The following BARX1 variants were observed in gnomAD, a reference collection of about 807,000 sequenced individuals.
The protein encoded by BARX1 is homeobox protein BarH-like 1.
A neutral mutation model predicts 19.6 loss-of-function variants in BARX1; 10 were observed. That is an observed-to-expected ratio of 0.51 (90% confidence interval 0.31 to 0.86). BARX1 has a LOEUF of 0.86. Ranked by LOEUF, BARX1 falls within the 40% of genes least tolerant of loss-of-function variation. The pLI is 0.04. For missense variants in BARX1, 309 were observed against 360.4 expected (o/e 0.86, Z 1.15); for synonymous variants, 177 against 170.0 (o/e 1.04, Z -0.32).
intron 1 of BARX1, among the ~76,000 whole-genome samples, chr9:93,954,721 A>G (rs1161679150): frequency 1.3e-5 from 2 of 151,982 alleles, no homozygotes; most frequent in African/African-American, 4.8e-5. Flanking sequence ...GCCCGCGGGC[A>G]CGAGGCCTGG....
rs568082229 is a variant in BARX1 at position 93,953,159 on chromosome 9, C to T, written c.252G>A (p.Val84=). ...LAVLKAEQAA[V]FKFPLAPLGC... ...CCAGCGGCGCCAGTGGGAACTTGAA[C>T]ACCGCCGCCTGCTCGGCCTTCAGCA... Residue 84 remains valine, a synonymous_variant, in exon 2 of 4, where the codon GTG becomes GTA. Transcript: ENST00000253968. The T allele has an allele frequency of 4.6e-6, 7 of 1,530,832 alleles. No individual in the cohort carries two copies. Among genetic ancestry groups the T allele is most frequent in the Non-Finnish European group, 6.1e-6 (7 of 1,148,134 alleles). The allele number at this position is 1,530,832 out of a possible 1,614,324, so 94.8% of individuals were successfully genotyped here.
chr9:93,952,388 A>C (rs1267442067), intron 3 of BARX1, 60 bp from the exon 4 acceptor site: 1 of 1,564,488 alleles, frequency 6.4e-7, no homozygotes, highest in Non-Finnish European at 8.6e-7. Context: ...ACCCCCGAGG[A>C]GACTTGAACC....
intron 1 of BARX1, among the ~76,000 whole-genome samples, chr9:93,954,168 G>A (rs1421939106): frequency 6.6e-6 from 1 of 152,228 alleles, no homozygotes; most frequent in Non-Finnish European, 1.5e-5. Context: ...CCGGCAGACG[G>A]TTGGAAAGCG....
At position 93,954,966 on chromosome 9, in the gene BARX1, C is replaced by T. The variant is rs1829144222; in HGVS notation, c.181G>A (p.Val61Met). Reference protein sequence around the residue: ...AAAGELLKFGVQALLAARPFH... With the variant: ...AAAGELLKFGMQALLAARPFH... ...GGCCGCGCCGCCAGCAGCGCCTGCA[C>T]GCCGAACTTCAGCAGCTCGCCCGCC... Residue 61 changes from valine (V) to methionine (M), a missense_variant, in exon 1 of 4, where the codon GTG becomes ATG. Around this residue, in one of 3 missense-constraint regions of BARX1, gnomAD observed 204 missense variants for 206.8 expected, o/e 0.99. Transcript: ENST00000253968. The T allele has an allele frequency of 7.2e-7, 1 of 1,395,744 alleles. No individual in the cohort carries two copies. 86.5% of individuals were successfully genotyped at this position (1,395,744 alleles called of 1,614,324 possible). A position where few individuals can be genotyped will look rare whatever the true frequency, so the allele number is the denominator to read the frequency against.
At position 93,953,105 on chromosome 9, in the gene BARX1, C is replaced by T. The variant is rs1400539618; in HGVS notation, c.306G>A (p.Leu102=). The change falls in exon 2 of 4, where the codon CTG becomes CTA. Residue 102 remains leucine (L), a synonymous_variant. Coordinates refer to ENST00000253968, the MANE Select transcript of BARX1 (RefSeq NM_021570.4). ...LGCSGLSSAL[L]AAGPGLPGAA... ...CGCCGGGCAGCCCGGGCCCTGCCGC[C>T]AGCAACGCAGAGCTCAGCCCTGAAC... 1.3e-6 allele frequency: 2 copies of T among 1,558,412 alleles called. No homozygotes were observed. Among genetic ancestry groups the T allele is most frequent in the South Asian group, 1.2e-5 (1 of 85,200 alleles).
chr9:93,952,631 G>T, intron 3 of BARX1, 98 bp downstream of exon 3: 1 of 1,346,242 alleles, frequency 7.4e-7, no homozygotes, highest in Non-Finnish European at 1.1e-6. Flanking sequence ...TCGGGGGGTT[G>T]GGCAGAGTCT....
In BARX1 at chr9:93,952,789, G is replaced by A; in HGVS notation, c.540C>T (p.Gly180=). The part of the protein sequence containing the change: ...PDRIDLAESL[G]LSQLQVKTWY... Reference sequence around the variant, plus strand: ...ACGTCTTCACCTGCAACTGGCTCAGGCCCAGGGACTCAGCAAGATCTATTC... The same window carrying A: ...ACGTCTTCACCTGCAACTGGCTCAGACCCAGGGACTCAGCAAGATCTATTC... Residue 180 remains glycine (G), a synonymous_variant, in exon 3 of 4, where the codon GGC becomes GGT. Coordinates refer to ENST00000253968, the MANE Select transcript of BARX1 (RefSeq NM_021570.4). 4 of 1,614,154 alleles carry A rather than the reference G, an allele frequency of 2.5e-6. No homozygotes were observed. Among genetic ancestry groups the A allele is most frequent in the Non-Finnish European group, 3.4e-6 (4 of 1,180,026 alleles).
Position 93,952,961 on chromosome 9 carries a change from G to T in BARX1, c.450C>A (p.Thr150=). The change falls in exon 2 of 4, where the codon ACC becomes ACA. Residue 150 remains threonine (T), a synonymous_variant. Coordinates refer to ENST00000253968, the MANE Select transcript of BARX1 (RefSeq NM_021570.4). ...TCTCCAGGCCCATCAGCTGCAGCTC[G>T]GTGAACACAGTGCGGCTCCGACGCC... ...KKGRRSRTVF[T]ELQLMGLEKR... The T allele has an allele frequency of 6.4e-7, 1 of 1,571,026 alleles. No homozygotes were observed.
chr9:93,951,828 A>C lies in BARX1; in HGVS notation c.*336T>G. ...TGTGCCTGGAGGCTCCCCGGCCGGG[A>C]GGGCAGGCCCCAGACGGGGTGGGGG... On this transcript the variant is annotated 3_prime_UTR_variant, in exon 4 of 4. Coordinates refer to ENST00000253968, the MANE Select transcript of BARX1 (RefSeq NM_021570.4). 1 of 246,528 alleles carries C rather than the reference A, an allele frequency of 4.1e-6. No homozygotes were observed. The highest frequency in any genetic ancestry group is 7.8e-6 in the Non-Finnish European group (1 of 127,448). 15.3% of individuals were successfully genotyped at this position (246,528 alleles called of 1,614,324 possible). A position where few individuals can be genotyped will look rare whatever the true frequency, so the allele number is the denominator to read the frequency against.
chr9:93,955,189 G>GCGA lies in BARX1; in HGVS notation c.-46_-44dup. The GCGA allele has an allele frequency of 2.1e-6, 2 of 938,554 alleles. No homozygotes were observed. The highest frequency in any genetic ancestry group is 2.5e-6 in the Non-Finnish European group (2 of 788,562). 58.1% of individuals were successfully genotyped at this position (938,554 alleles called of 1,614,324 possible). On this transcript the variant is annotated 5_prime_UTR_variant, in exon 1 of 4. Coordinates refer to ENST00000253968, the MANE Select transcript of BARX1 (RefSeq NM_021570.4). The surrounding 1 kb of genome is among the most constrained non-coding windows in gnomAD (Gnocchi z 4.4). ...CGCCCGCGGTTTGGCGGCGGCGGCGGCGACGGCTTGGCTCCGGCGCGGGGC... is the reference window on the plus strand; with the variant it reads ...CGCCCGCGGTTTGGCGGCGGCGGCGGCGACGACGGCTTGGCTCCGGCGCGGGGC...
chr9:93,954,947 G>T lies in BARX1; in HGVS notation c.200C>A (p.Ala67Glu). The T allele has an allele frequency of 7.4e-7, 1 of 1,350,600 alleles. No individual in the cohort carries two copies. The highest frequency in any genetic ancestry group is 9.4e-7 in the Non-Finnish European group (1 of 1,059,294). 83.7% of individuals were successfully genotyped at this position (1,350,600 alleles called of 1,614,324 possible). Residue 67 changes from alanine (A) to glutamate (E), a missense_variant, in exon 1 of 4, where the codon GCG becomes GAG. Transcript: ENST00000253968. ...ACCCAGGTGGCTGTGGAAGGGCCGCGCCGCCAGCAGCGCCTGCACGCCGAA... is the reference window on the plus strand; with the variant it reads ...ACCCAGGTGGCTGTGGAAGGGCCGCTCCGCCAGCAGCGCCTGCACGCCGAA... ...LKFGVQALLA[A>E]RPFHSHLAVL...
intron 1 of BARX1, among the ~76,000 whole-genome samples, chr9:93,953,584 T>C (rs554788157): frequency 7.8e-4 from 119 of 152,346 alleles, no homozygotes; most frequent in African/African-American, 2.8e-3. Flanking sequence ...CAAATCAGCC[T>C]TGCTGCGTTA....
chr9:93,953,429 G>A (rs1829125847), intron 1 of BARX1: 1 of 474,950 alleles, frequency 2.1e-6, no homozygotes, highest in South Asian at 4.6e-5. Context: ...GAGTTCCCCA[G>A]GCCTCAGCTG....
chr9:93,954,024 G>A (rs1314114035), intron 1 of BARX1, among the ~76,000 whole-genome samples: 1 of 152,202 alleles, frequency 6.6e-6, no homozygotes, highest in Non-Finnish European at 1.5e-5. Context: ...CTGTCACTGA[G>A]GTGCGAGTCC....
At position 93,953,001 on chromosome 9, in the gene BARX1, G is replaced by C. The variant is rs780522907; in HGVS notation, c.410C>G (p.Thr137Ser). ...LEAAGPGEPGTKAKKGRRSRT... is the reference protein window; with the variant it reads ...LEAAGPGEPGSKAKKGRRSRT... ...GCTCCGACGCCCCTTCTTGGCTTTG[G>C]TGCCTGGCTCCCCAGGGCCTGCCGC... The change falls in exon 2 of 4, where the codon ACC (threonine) becomes AGC (serine). Residue 137 changes from threonine (T) to serine (S), a missense_variant. By Grantham distance (58) the Thr-to-Ser change is moderately conservative. Coordinates refer to ENST00000253968, the MANE Select transcript of BARX1 (RefSeq NM_021570.4). 2 of 1,572,916 alleles carry C rather than the reference G, an allele frequency of 1.3e-6. No homozygotes were observed. The highest frequency in any genetic ancestry group is 3.7e-5 in the Admixed American group (2 of 54,184).
rs1829121453 is a variant in BARX1, at chr9:93,953,096, C to T, written c.315G>A (p.Gly105=). ...SGLSSALLAA[G]PGLPGAAGAP... ...CACCCGCGGCGCCGGGCAGCCCGGGCCCTGCCGCCAGCAACGCAGAGCTCA... is the reference window on the plus strand; with the variant it reads ...CACCCGCGGCGCCGGGCAGCCCGGGTCCTGCCGCCAGCAACGCAGAGCTCA... Residue 105 remains glycine (G), a synonymous_variant, in exon 2 of 4, where the codon GGG becomes GGA. Transcript: ENST00000253968. 1.3e-6 allele frequency: 2 copies of T among 1,556,282 alleles called. No homozygotes were observed. Among genetic ancestry groups the T allele is most frequent in the East Asian group, 2.4e-5 (1 of 41,214 alleles).
At chr9:93,952,384 G>A (rs1829112941) in intron 3 of BARX1, 56 bp from the exon 4 acceptor site, 2 of 1,566,776 alleles carry the variant, frequency 1.3e-6, no homozygotes, top group Non-Finnish European at 1.7e-6. Context: ...GGGGACCCCC[G>A]AGGAGACTTG....
chr9:93,954,125 G>A (rs1829134331), intron 1 of BARX1, among the ~76,000 whole-genome samples: 1 of 152,198 alleles, frequency 6.6e-6, no homozygotes, highest in African/African-American at 2.4e-5. Flanking sequence ...TGGGAGGCAG[G>A]CCGACCCCAA....
intron 1 of BARX1, 44 bp downstream of exon 1, chr9:93,954,880 C>A: frequency 7.9e-7 from 1 of 1,259,718 alleles, no homozygotes; most frequent in South Asian, 2.6e-5. Flanking sequence ...AGCTCGCTGT[C>A]TCCCGCCAAG....
Sources: gnomAD v4.1 joint callset for allele counts (sites outside exome capture counted in the v4.1 genomes callset) on GRCh38, gnomAD v4.1.1 for gene constraint, gnomAD v4.1.1 regional missense constraint, Gnocchi (gnomAD v3.1) non-coding constraint, MANE v1.5 for transcripts, NCBI Gene and HGNC (gene_info 2026-07-23, HGNC 2026-07-21) for gene names.